ODAD4: variants seen among roughly 807,000 people sequenced by gnomAD.
ODAD4 encodes the protein outer dynein arm docking complex subunit 4.
Under a neutral mutation model 51.8 loss-of-function variants are expected in ODAD4, and 49 were observed. That is an observed-to-expected ratio of 0.95 (90% CI 0.75 to 1.20). ODAD4 has a LOEUF of 1.20. Among genes scored for constraint, ODAD4 ranks in the 50% most tolerant of loss-of-function variants. The pLI is 0.00. For synonymous variants in ODAD4, 235 were observed against 221.3 expected, an observed-to-expected ratio of 1.06 and a Z score of -0.55; for missense variants, 590 against 586.5, an observed-to-expected ratio of 1.01 and a Z score of -0.06.
chr17:41,939,419 C>G (rs782402141), intron 7 of ODAD4, among the ~76,000 whole-genome samples: 3 of 152,166 alleles, frequency 2.0e-5, no homozygotes, highest in Non-Finnish European at 4.4e-5. Flanking sequence ...TGATCTGGCT[C>G]TTAGGGATGT....
intron 7 of ODAD4, among the ~76,000 whole-genome samples, chr17:41,939,426 A>G (rs1243784422): frequency 1.3e-5 from 2 of 152,162 alleles, no homozygotes; most frequent in African/African-American, 4.8e-5. Flanking sequence ...GCTCTTAGGG[A>G]TGTTTATATT....
intron 3 of ODAD4, among the ~76,000 whole-genome samples, chr17:41,936,112 C>T (rs1331480299): frequency 3.9e-5 from 6 of 152,290 alleles, no homozygotes; most frequent in African/African-American, 9.6e-5. Context: ...CCTCACCAGA[C>T]GCATACCAAG....
Position 41,945,696 on chromosome 17 carries a change from C to T in ODAD4, c.1145+474C>T, listed in dbSNP as rs1459945683. 5.9e-5 allele frequency among the ~76,000 whole-genome samples: 9 copies of T among 151,946 alleles called. No individual in the cohort carries two copies. In the South Asian group the frequency reaches 1.5e-3, roughly 25 times the overall value. ...GGCGGATCACTTGAGGTCAGGAGTT[C>T]GAGACCAGCCTGGCCAACATGGCAA... On this transcript the variant is annotated intron_variant, in intron 8 of 11. Coordinates refer to ENST00000377540, the MANE Select transcript of ODAD4 (RefSeq NM_031421.5).
chr17:41,944,445 C>CACA (rs879985039), intron 7 of ODAD4, among the ~76,000 whole-genome samples: 31 of 3,530 alleles, frequency 8.8e-3, no homozygotes, highest in African/African-American at 9.6e-3. Flanking sequence ...CACACACACA[C>CACA]CCCCCCGCAT....
chr17:41,949,350 G>A lies in ODAD4; in HGVS notation c.1342+1G>A. On this transcript the variant is annotated splice_donor_variant, in intron 9 of 11. Transcript: ENST00000377540. LOFTEE classifies it high-confidence loss of function. ...AGTGTTCTGGTGGCCCAGGCACAAG[G>A]TATGGGCTCAGAGATGACCACCCTA... is the stretch of plus-strand genomic sequence containing the variant. 1 of 398,694 alleles carries A rather than the reference G, an allele frequency of 2.5e-6. No individual in the cohort carries two copies. The allele number at this position is 398,694 out of a possible 1,614,324, so 24.7% of individuals were successfully genotyped here.
chr17:41,952,540 CAAAAAAAAAAAAAAAAAA>C (rs11369140), intron 9 of ODAD4: 1 of 112,564 alleles, frequency 8.9e-6, no homozygotes, highest in Non-Finnish European at 1.7e-5. Context: ...ACCCTCACTC[CAAAAAAAAAAAAAAAAAA>C]AAAAAAAAAA....
In ODAD4 at chr17:41,965,118, G is replaced by C. The variant is rs373880984; in HGVS notation, c.1654G>C (p.Asp552His). The C allele has an allele frequency of 1.9e-5, 15 of 773,378 alleles. No individual in the cohort carries two copies. Among genetic ancestry groups the C allele is most frequent in the Non-Finnish European group, 3.6e-5 (15 of 414,688 alleles). The allele number at this position is 773,378 out of a possible 1,614,324, so 47.9% of individuals were successfully genotyped here. A position where few individuals can be genotyped will look rare whatever the true frequency, so the allele number is the denominator to read the frequency against. ...SEDEKETDEDDEAFGEALQSP... is the reference protein window; with the variant it reads ...SEDEKETDEDHEAFGEALQSP... The stretch of plus-strand genomic sequence containing the variant: ...GGATGAGAAAGAGACAGATGAGGAC[G>C]ATGAGGCTTTTGGGGAAGCTCTGCA... The change falls in exon 12 of 12, where the codon GAT becomes CAT. Residue 552 changes from aspartate (D) to histidine (H), a missense_variant. Asp to His is a moderately conservative substitution (Grantham distance 81). This residue lies in a region of ODAD4 where 226 missense variants were observed against 162.7 expected (regional missense o/e 1.39). Transcript: ENST00000377540.
At chr17:41,950,601 C>T (rs1190959691) in intron 9 of ODAD4, among the ~76,000 whole-genome samples, 4 of 152,088 alleles carry the variant, frequency 2.6e-5, no homozygotes, top group Non-Finnish European at 5.9e-5. Context: ...GTTTCAAACT[C>T]CTGGCCTCAA....
At chr17:41,937,251 A>G (rs1555637988) in intron 5 of ODAD4, among the ~76,000 whole-genome samples, 1 of 152,238 alleles carries the variant, frequency 6.6e-6, no homozygotes, top group Non-Finnish European at 1.5e-5. Flanking sequence ...CTGAAGGGAC[A>G]TCCCCTTTGC....
At chr17:41,932,651 C>T (rs1261041988) in intron 1 of ODAD4, among the ~76,000 whole-genome samples, 2 of 151,722 alleles carry the variant, frequency 1.3e-5, no homozygotes, top group Non-Finnish European at 2.9e-5. Context: ...CTCAAGTGAT[C>T]CTCCCACCTT....
At chr17:41,962,028 A>G (rs1187479842) in intron 11 of ODAD4, among the ~76,000 whole-genome samples, 1 of 152,202 alleles carries the variant, frequency 6.6e-6, no homozygotes, top group Non-Finnish European at 1.5e-5. Flanking sequence ...TTTTTCCAGC[A>G]GGGAACAGCA....
chr17:41,965,733 G>A lies in ODAD4; in HGVS notation c.*250G>A. 1 of 438,522 alleles carries A rather than the reference G, an allele frequency of 2.3e-6. No homozygotes were observed. Among genetic ancestry groups the A allele is most frequent in the Non-Finnish European group, 4.1e-6 (1 of 246,588 alleles). 27.2% of individuals were successfully genotyped at this position (438,522 alleles called of 1,614,324 possible). ...GAAGAAATGAGAAAGGTGCCAAGAAGAAAGGGTTTCAGGAGGGTGAAGATA... is the reference window on the plus strand; with the variant it reads ...GAAGAAATGAGAAAGGTGCCAAGAAAAAAGGGTTTCAGGAGGGTGAAGATA... On this transcript the variant is annotated 3_prime_UTR_variant, in exon 12 of 12. Transcript: ENST00000377540.
At chr17:41,933,681 G>A (rs1326412736) in intron 1 of ODAD4, among the ~76,000 whole-genome samples, 1 of 151,910 alleles carries the variant, frequency 6.6e-6, no homozygotes, top group Admixed American at 6.6e-5. Flanking sequence ...AGGTGTGGTG[G>A]CGGGCACCCG....
rs967243261 is a variant in ODAD4, at chr17:41,966,451, G to A, written c.*968G>A. Among the ~76,000 whole-genome samples, 1 of 152,190 alleles carries A rather than the reference G, an allele frequency of 6.6e-6. No individual in the cohort carries two copies. Among genetic ancestry groups the A allele is most frequent in the Non-Finnish European group, 1.5e-5 (1 of 68,034 alleles). On this transcript the variant is annotated 3_prime_UTR_variant, in exon 12 of 12. Transcript: ENST00000377540. ...AAAAAAGTTTTTAATTAATGCAAAA[G>A]TCCATGATGAATAAAATATCAAAAA... is the stretch of plus-strand genomic sequence containing the variant.
At chr17:41,956,235 G>A (rs975746821) in intron 10 of ODAD4, among the ~76,000 whole-genome samples, 60 of 151,764 alleles carry the variant, frequency 4.0e-4, no homozygotes, top group African/African-American at 1.4e-3. Context: ...TTTTAGTAGA[G>A]ATGGGGTTTC....
intron 1 of ODAD4, 147 bp from the exon 2 acceptor site, chr17:41,935,070 C>T: frequency 1.1e-6 from 1 of 942,180 alleles, no homozygotes; most frequent in South Asian, 1.7e-5. Flanking sequence ...GTGTGCTGGC[C>T]TGAAGAATCC....
intron 10 of ODAD4, among the ~76,000 whole-genome samples, chr17:41,960,309 GA>G (rs574888459): frequency 2.0e-5 from 3 of 151,966 alleles, no homozygotes; most frequent in Non-Finnish European, 4.4e-5. Context: ...CTCTTAAAAA[GA>G]AAAAACAAAC....
rs782618399 is a variant in ODAD4, at chr17:41,965,222, AG to A, written c.1760del (p.Gly587GlufsTer3). On this transcript the variant is annotated frameshift_variant, in exon 12 of 12. Transcript: ENST00000377540. LOFTEE classifies it low-confidence loss of function (END_TRUNC). ...DLGAVAKGLS[G>X]ELGTRSGETG... ...TGGGAGCAGTTGCCAAGGGCCTGTC[AG>A]GAGAATTAGGCACAAGATCAGGAGA... The A allele has an allele frequency of 1.3e-6, 1 of 775,652 alleles. No homozygotes were observed. The highest frequency in any genetic ancestry group is 2.4e-5 in the East Asian group (1 of 41,142). 48.0% of individuals were successfully genotyped at this position (775,652 alleles called of 1,614,324 possible). A position where few individuals can be genotyped will look rare whatever the true frequency, so the allele number is the denominator to read the frequency against.
At chr17:41,960,648 TG>T (rs531186741) in intron 10 of ODAD4, among the ~76,000 whole-genome samples, 177 of 152,286 alleles carry the variant, frequency 1.2e-3, no homozygotes, top group Non-Finnish European at 1.9e-3. Context: ...AAGGTACCTG[TG>T]ACCCTCACTG....
Sources: allele counts gnomAD v4.1 joint callset (sites outside exome capture counted in the v4.1 genomes callset), GRCh38; gene constraint gnomAD v4.1.1; regional missense constraint gnomAD v4.1.1; transcripts MANE v1.5; gene names NCBI Gene and HGNC (gene_info 2026-07-23, HGNC 2026-07-21).